The following PLXNA4 variants were observed in gnomAD, a reference collection of about 807,000 sequenced individuals.
PLXNA4 encodes plexin-A4.
In PLXNA4, 44 loss-of-function variants were observed where a neutral mutation model predicts 191.8. The observed-to-expected ratio is 0.23, with a 90% CI of 0.18 to 0.29. The LOEUF (loss-of-function observed/expected upper bound fraction) is 0.29. Among genes scored for constraint, PLXNA4 ranks in the 10% least tolerant of loss-of-function variants. The probability of loss-of-function intolerance (pLI) is 1.00; values close to 1 mark genes in which losing one functional copy is unlikely to be tolerated. For synonymous variants in PLXNA4, 1,082 were observed against 1,009.5 expected, an observed-to-expected ratio of 1.07 and a Z score of -1.36; for missense variants, 1,800 against 2,488.8, an observed-to-expected ratio of 0.72 and a Z score of 5.89.
chr7:132,532,606 C>T (rs1160390935), intron 1 of PLXNA4, among the ~76,000 whole-genome samples: 1 of 152,166 alleles, frequency 6.6e-6, no homozygotes, highest in Non-Finnish European at 1.5e-5. Flanking sequence ...CTATACATCT[C>T]CAGATTCTCC....
chr7:132,266,306 T>C (rs1391158012), intron 4 of PLXNA4: 1 of 152,202 alleles, frequency 6.6e-6, no homozygotes. Flanking sequence ...TCTCCAACCT[T>C]TTAAAACATT....
intron 9 of PLXNA4, 82 bp from the exon 10 acceptor site, chr7:132,211,225 C>T: frequency 7.0e-7 from 1 of 1,423,650 alleles, no homozygotes; most frequent in South Asian, 1.3e-5. Context: ...CCCGGATGTT[C>T]CCTGTCTCCA....
intron 28 of PLXNA4, 53 bp from the exon 29 acceptor site, chr7:132,145,341 T>C: frequency 6.2e-7 from 1 of 1,606,674 alleles, no homozygotes; most frequent in Non-Finnish European, 8.5e-7. Flanking sequence ...GTTCTGAGGA[T>C]GGCTTTTAAA....
intron 2 of PLXNA4, among the ~76,000 whole-genome samples, chr7:132,620,928 C>T (rs1803247800): frequency 6.6e-6 from 1 of 152,164 alleles, no homozygotes; most frequent in South Asian, 2.1e-4. Context: ...CCAGTAAAGG[C>T]CTGCTTCTTG....
chr7:132,596,096 T>G (rs1177381593), intron 2 of PLXNA4, among the ~76,000 whole-genome samples: 1 of 152,238 alleles, frequency 6.6e-6, no homozygotes, highest in South Asian at 2.1e-4. Flanking sequence ...GTCTGTTGAC[T>G]CTCTTTTAAT....
At chr7:132,626,560 G>A (rs1803377581) in intron 2 of PLXNA4, among the ~76,000 whole-genome samples, 1 of 152,128 alleles carries the variant, frequency 6.6e-6, no homozygotes, top group Non-Finnish European at 1.5e-5. Flanking sequence ...AAAGTGTGCA[G>A]CATCTCCCCA....
At chr7:132,612,042 C>T (rs1803057194) in intron 2 of PLXNA4, among the ~76,000 whole-genome samples, 1 of 151,438 alleles carries the variant, frequency 6.6e-6, no homozygotes, top group Admixed American at 6.6e-5. Flanking sequence ...TTTTGAGCTC[C>T]TGCTATTACA....
chr7:132,375,108 T>C (rs752308835), intron 3 of PLXNA4, among the ~76,000 whole-genome samples: 1 of 152,240 alleles, frequency 6.6e-6, no homozygotes, highest in Non-Finnish European at 1.5e-5. Context: ...TATGTGCCTT[T>C]TTCCAAGACA....
In PLXNA4 at chr7:132,174,832, G is replaced by A. The variant is rs1796405665; in HGVS notation, c.3963C>T (p.Thr1321=). 6.2e-7 allele frequency: 1 copy of A among 1,614,066 alleles called. No individual in the cohort carries two copies. Among genetic ancestry groups the A allele is most frequent in the Non-Finnish European group, 8.5e-7 (1 of 1,179,930 alleles). The change falls in exon 21 of 32, where the codon ACC becomes ACT. Residue 1321 remains threonine, a synonymous_variant. Transcript: ENST00000321063. The part of the protein sequence containing the change: ...GIPFLDYRTY[T]MRVLFPGIED... ...CAATTCCTGGGAACAGCACCCGCAT[G>A]GTGTAAGTTCTATAGTCCAGGAACG...
intron 1 of PLXNA4, among the ~76,000 whole-genome samples, chr7:132,517,762 A>G (rs1473978881): frequency 6.6e-6 from 1 of 152,180 alleles, no homozygotes; most frequent in Non-Finnish European, 1.5e-5. Flanking sequence ...TTCCTGCTCA[A>G]TGGCCATTTC....
intron 4 of PLXNA4, among the ~76,000 whole-genome samples, chr7:132,258,216 A>G (rs1030984263): frequency 6.6e-6 from 1 of 152,228 alleles, no homozygotes; most frequent in East Asian, 1.9e-4. Context: ...AGGGAATCTG[A>G]AAACAGTGCA....
chr7:132,381,507 G>C (rs1436048740), intron 3 of PLXNA4, among the ~76,000 whole-genome samples: 2 of 152,256 alleles, frequency 1.3e-5, no homozygotes, highest in African/African-American at 4.8e-5. Flanking sequence ...CTAAGAGGAG[G>C]CTATGTAGTA....
intron 4 of PLXNA4, among the ~76,000 whole-genome samples, chr7:132,294,700 T>C (rs1801013255): frequency 6.6e-6 from 1 of 152,128 alleles, no homozygotes; most frequent in Non-Finnish European, 1.5e-5. Flanking sequence ...CAACTCAAGA[T>C]GAGATTTGGG....
intron 1 of PLXNA4, among the ~76,000 whole-genome samples, chr7:132,562,941 T>A (rs866690615): frequency 6.2e-5 from 1 of 16,146 alleles, no homozygotes; most frequent in Non-Finnish European, 1.2e-4. Context: ...CCTCCTCCTC[T>A]CCCTCCTCCT....
intron 3 of PLXNA4, among the ~76,000 whole-genome samples, chr7:132,410,138 G>A (rs1168827093): frequency 6.6e-6 from 1 of 152,192 alleles, no homozygotes; most frequent in Non-Finnish European, 1.5e-5. Flanking sequence ...GAAAGTTGGG[G>A]GATGGCAACA....
At chr7:132,177,072 C>T (rs1420407707) in intron 20 of PLXNA4, among the ~76,000 whole-genome samples, 3 of 150,860 alleles carry the variant, frequency 2.0e-5, no homozygotes, top group African/African-American at 7.3e-5. Context: ...AGTACATGAG[C>T]GTGTGAGCAC....
rs138576612 is a variant in PLXNA4 at position 132,217,897 on chromosome 7, CTTTTTT to C, written c.2097+5624_2097+5629del. On this transcript the variant is annotated intron_variant, in intron 9 of 31. Coordinates refer to ENST00000321063, the MANE Select transcript of PLXNA4 (RefSeq NM_020911.2). Reference sequence around the variant, plus strand: ...GGAGCGTGTTCTGTAGCTGGATTTGCTTTTTTTTTTTTTTTTTTTTTTTTTTTTTTC... The same window carrying C: ...GGAGCGTGTTCTGTAGCTGGATTTGCTTTTTTTTTTTTTTTTTTTTTTTTC... Among the ~76,000 whole-genome samples the C allele has an allele frequency of 7.7e-3, 334 of 43,370 alleles. 3 individuals carry two copies. Among genetic ancestry groups the C allele is most frequent in the African/African-American group, 0.037 (299 of 8,040 alleles). 28.5% of individuals were successfully genotyped at this position (43,370 alleles called of 152,430 possible). A position where few individuals can be genotyped will look rare whatever the true frequency, so the allele number is the denominator to read the frequency against.
intron 3 of PLXNA4, among the ~76,000 whole-genome samples, chr7:132,409,797 A>G (rs1043704667): frequency 2.0e-5 from 3 of 152,150 alleles, no homozygotes; most frequent in African/African-American, 7.2e-5. Context: ...TGGTTGGTAA[A>G]TTACCGTCAC....
At chr7:132,512,265 C>G (rs557055040) in intron 1 of PLXNA4, among the ~76,000 whole-genome samples, 4 of 152,314 alleles carry the variant, frequency 2.6e-5, no homozygotes, top group Admixed American at 2.6e-4. Flanking sequence ...GCCTACCCCA[C>G]GACCTGCCTT....
Sources: allele counts gnomAD v4.1 joint callset (sites outside exome capture counted in the v4.1 genomes callset), GRCh38; gene constraint gnomAD v4.1.1; transcripts MANE v1.5; gene names NCBI Gene and HGNC (gene_info 2026-07-23, HGNC 2026-07-21).